PRKCE: variants seen among roughly 807,000 people sequenced by gnomAD.
PRKCE encodes protein kinase C epsilon type.
PRKCE carries 16 observed loss-of-function variants against 85.4 expected under a neutral mutation model. The observed-to-expected ratio is 0.19, with a 90% CI of 0.13 to 0.28. The LOEUF is 0.28. Ranked by LOEUF, PRKCE falls within the 10% of genes least tolerant of loss-of-function variation. The pLI, the probability that PRKCE is intolerant of heterozygous loss-of-function variation, is 1.00. For synonymous variants in PRKCE, 388 were observed against 371.5 expected (o/e 1.04, Z -0.51); for missense variants, 573 against 975.2 (o/e 0.59, Z 5.49).
chr2:45,893,633 A>T (rs1027809162), intron 2 of PRKCE, among the ~76,000 whole-genome samples: 15 of 150,868 alleles, frequency 9.9e-5, no homozygotes, highest in African/African-American at 3.7e-4. Flanking sequence ...AAGTGCTGGG[A>T]TTACAGGCAT....
chr2:46,007,809 C>G, intron 9 of PRKCE, 148 bp downstream of exon 9: 1 of 828,278 alleles, frequency 1.2e-6, no homozygotes. Context: ...GACCTGAGGC[C>G]AAGTAGATAG....
In PRKCE at chr2:45,711,580, G is replaced by C. The variant is rs111795206; in HGVS notation, c.348+59132G>C. Among the ~76,000 whole-genome samples the C allele has an allele frequency of 5.2e-3, 786 of 152,278 alleles. 11 individuals are homozygous for C. Among genetic ancestry groups the C allele is most frequent in the African/African-American group, 0.018 (743 of 41,548 alleles). On this transcript the variant is annotated intron_variant, in intron 1 of 14. Transcript: ENST00000306156. ...AGTACTTGTTAAATTAACTATATAA[G>C]TGTTCAAGACATGTTGGCTATTACT... is the stretch of plus-strand genomic sequence containing the variant.
rs139796433 is a variant in PRKCE at position 45,925,809 on chromosome 2, G to A, written c.413-50620G>A. ...TGACAGAAGGCTGCTTTCAATCATC[G>A]TGGGCTGGGCAAACTCTGGCAGGCT... On this transcript the variant is annotated intron_variant, in intron 2 of 14. Coordinates refer to ENST00000306156, the MANE Select transcript of PRKCE (RefSeq NM_005400.3). 4.6e-3 allele frequency among the ~76,000 whole-genome samples: 707 copies of A among 152,326 alleles called. 1 individual carries two copies. Among genetic ancestry groups the A allele is most frequent in the African/African-American group, 0.015 (632 of 41,570 alleles).
intron 11 of PRKCE, among the ~76,000 whole-genome samples, chr2:46,142,563 A>G (rs1675649850): frequency 6.6e-6 from 1 of 152,248 alleles, no homozygotes; most frequent in Non-Finnish European, 1.5e-5. Flanking sequence ...CATTTTGGTC[A>G]GGGCCTCCCC....
At chr2:45,668,870 G>A (rs905837407) in intron 1 of PRKCE, among the ~76,000 whole-genome samples, 13 of 152,068 alleles carry the variant, frequency 8.5e-5, no homozygotes, top group Middle Eastern at 3.2e-3. Flanking sequence ...GGAGGGGGAC[G>A]GCCCTTTCGT....
chr2:45,931,760 G>T (rs1699060889), intron 2 of PRKCE, among the ~76,000 whole-genome samples: 1 of 152,112 alleles, frequency 6.6e-6, no homozygotes, highest in South Asian at 2.1e-4. Flanking sequence ...AGGCTGGAGT[G>T]CAGTGGCGCG....
intron 1 of PRKCE, among the ~76,000 whole-genome samples, chr2:45,661,510 TGTTTTGTTTTTTG>T (rs1558533848): frequency 1.9e-4 from 26 of 140,244 alleles, no homozygotes; most frequent in African/African-American, 6.9e-4. Flanking sequence ...TTTTTTGTTT[TGTTTTGTTTTTTG>T]TTTTTTGTTT....
chr2:45,804,215 C>CAAGGGCTCCA (rs941100151), intron 1 of PRKCE, among the ~76,000 whole-genome samples: 1 of 152,172 alleles, frequency 6.6e-6, no homozygotes, highest in African/African-American at 2.4e-5. Flanking sequence ...TAGCCAAAGC[C>CAAGGGCTCCA]AAGGGCTCCA....
At chr2:46,152,765 T>C (rs564098465) in intron 13 of PRKCE, among the ~76,000 whole-genome samples, 4 of 152,104 alleles carry the variant, frequency 2.6e-5, no homozygotes, top group Non-Finnish European at 4.4e-5. Context: ...GCCAGGCTGG[T>C]TCCGAACTCC....
At chr2:45,672,291 C>T (rs1444573676) in intron 1 of PRKCE, among the ~76,000 whole-genome samples, 1 of 151,846 alleles carries the variant, frequency 6.6e-6, no homozygotes, top group Non-Finnish European at 1.5e-5. Context: ...CCCACCCATC[C>T]ATTCATCCAT....
At chr2:45,888,958 T>A (rs1478312511) in intron 2 of PRKCE, among the ~76,000 whole-genome samples, 2 of 152,196 alleles carry the variant, frequency 1.3e-5, no homozygotes, top group East Asian at 3.8e-4. Context: ...CGTGTGGGGT[T>A]CTCTCAGGAA....
chr2:45,776,688 C>G (rs1685773938), intron 1 of PRKCE, among the ~76,000 whole-genome samples: 1 of 152,196 alleles, frequency 6.6e-6, no homozygotes, highest in African/African-American at 2.4e-5. Flanking sequence ...TACTCTGCCC[C>G]TGCTTCTCCC....
chr2:45,844,175 C>T (rs995712806), intron 2 of PRKCE, among the ~76,000 whole-genome samples: 1 of 152,162 alleles, frequency 6.6e-6, no homozygotes, highest in Non-Finnish European at 1.5e-5. Context: ...ATTTATCACC[C>T]AATCTCAACA....
chr2:45,670,773 T>G (rs915651650), intron 1 of PRKCE, among the ~76,000 whole-genome samples: 1 of 152,238 alleles, frequency 6.6e-6, no homozygotes, highest in African/African-American at 2.4e-5. Context: ...AGGAGGTGGC[T>G]TTTGACCTAG....
intron 1 of PRKCE, among the ~76,000 whole-genome samples, chr2:45,698,928 G>A (rs1426342963): frequency 1.3e-5 from 2 of 152,162 alleles, no homozygotes; most frequent in African/African-American, 4.8e-5. Flanking sequence ...TTCACCATCA[G>A]TAGTAGGTTA....
chr2:46,029,523 A>AC (rs1707367458), intron 10 of PRKCE, among the ~76,000 whole-genome samples: 1 of 151,986 alleles, frequency 6.6e-6, no homozygotes, highest in South Asian at 2.1e-4. Context: ...CACTAACGCC[A>AC]CCCTTTGTGA....
chr2:45,849,789 AC>A (rs1692099248), intron 2 of PRKCE, among the ~76,000 whole-genome samples: 1 of 151,796 alleles, frequency 6.6e-6, no homozygotes, highest in South Asian at 2.1e-4. Context: ...ACCACACCCC[AC>A]CCCGGCATAA....
chr2:45,727,942 C>G (rs1288091900), intron 1 of PRKCE, among the ~76,000 whole-genome samples: 1 of 152,150 alleles, frequency 6.6e-6, no homozygotes, highest in South Asian at 2.1e-4. Flanking sequence ...CGTGAGCCAC[C>G]GGGCCCAGCC....
chr2:45,800,316 G>A (rs1171052858), intron 1 of PRKCE, among the ~76,000 whole-genome samples: 1 of 152,186 alleles, frequency 6.6e-6, no homozygotes, highest in African/African-American at 2.4e-5. Flanking sequence ...TTGAGAGCAT[G>A]GGGAGTCACA....
Sources: gnomAD v4.1 joint callset for allele counts (sites outside exome capture counted in the v4.1 genomes callset) on GRCh38, gnomAD v4.1.1 for gene constraint, MANE v1.5 for transcripts, NCBI Gene and HGNC (gene_info 2026-07-23, HGNC 2026-07-21) for gene names.